The following EGFR variants were observed in gnomAD, a reference collection of about 807,000 sequenced individuals.
The protein encoded by EGFR is epidermal growth factor receptor.
In EGFR, 58 loss-of-function variants were observed where a neutral mutation model predicts 143.0. The observed-to-expected ratio is 0.41, with a 90% CI of 0.33 to 0.50. The LOEUF (loss-of-function observed/expected upper bound fraction) is 0.50, where lower values mean the gene tolerates loss of function less well. Ranked by LOEUF, EGFR falls within the 20% of genes least tolerant of loss-of-function variation. The pLI, the probability that EGFR is intolerant of heterozygous loss-of-function variation, is 0.39. For missense variants in EGFR, 1,307 were observed against 1,579.0 expected (o/e 0.83, Z 2.92); for synonymous variants, 613 against 594.4 (o/e 1.03, Z -0.45).
At chr7:55,182,360 C>T (rs1166259449) in intron 20 of EGFR, 1 of 152,374 alleles carries the variant, frequency 6.6e-6, no homozygotes, top group African/African-American at 2.4e-5. Context: ...AGCAGACACC[C>T]ACCCGGCCTG....
intron 1 of EGFR, among the ~76,000 whole-genome samples, chr7:55,106,007 T>C (rs10280515): frequency 0.052 from 7,982 of 152,304 alleles, 235 homozygotes; most frequent in Middle Eastern, 0.12. Flanking sequence ...GTGTGCTTAC[T>C]TGAAAACAAC....
intron 7 of EGFR, among the ~76,000 whole-genome samples, chr7:55,155,190 C>A (rs1468414016): frequency 6.6e-6 from 1 of 152,190 alleles, no homozygotes; most frequent in African/African-American, 2.4e-5. Flanking sequence ...GCCTTTAATC[C>A]CAGCACTTTG....
In EGFR at chr7:55,165,576, C is replaced by T. The variant is rs1056399562; in HGVS notation, c.1880+139C>T. The stretch of plus-strand genomic sequence containing the variant: ...ACTTAAGGTGTTTTGGTCCCCACAG[C>T]CATGCCAGTAGCAACTTGCTTGTGA... On this transcript the variant is annotated intron_variant, in intron 15 of 27. Transcript: ENST00000275493. 9.3e-6 allele frequency: 11 copies of T among 1,187,602 alleles called. No homozygotes were observed. The East Asian group carries it at 2.6e-4, about 28-fold the overall frequency. 73.6% of individuals were successfully genotyped at this position (1,187,602 alleles called of 1,614,324 possible).
At chr7:55,109,171 T>C (rs1174743210) in intron 1 of EGFR, among the ~76,000 whole-genome samples, 1 of 152,134 alleles carries the variant, frequency 6.6e-6, no homozygotes, top group Non-Finnish European at 1.5e-5. Flanking sequence ...AGAAAGGAAA[T>C]AGATTAATGT....
At chr7:55,148,300 T>C (rs1794871673) in intron 4 of EGFR, among the ~76,000 whole-genome samples, 1 of 151,982 alleles carries the variant, frequency 6.6e-6, no homozygotes, top group African/African-American at 2.4e-5. Context: ...CCTGGAACGG[T>C]TATGGGGCCA....
At chr7:55,078,584 C>T (rs75263497) in intron 1 of EGFR, among the ~76,000 whole-genome samples, 2,046 of 152,306 alleles carry the variant, frequency 0.013, 35 homozygotes, top group African/African-American at 0.046. Flanking sequence ...AAAATGTCCA[C>T]GTGCACTTGT....
chr7:55,066,261 T>A (rs112031348), intron 1 of EGFR, among the ~76,000 whole-genome samples: 2,452 of 152,282 alleles, frequency 0.016, 67 homozygotes, highest in African/African-American at 0.055. Context: ...AACTAAAAAA[T>A]TAATACCGTG....
chr7:55,174,251 C>A (rs367893096), intron 18 of EGFR, among the ~76,000 whole-genome samples: 17 of 152,342 alleles, frequency 1.1e-4, no homozygotes, highest in African/African-American at 4.1e-4. Context: ...GAGACCAATT[C>A]ACAGACCAAA....
In EGFR at chr7:55,209,362, A is replaced by G. The variant is rs1314145251; in HGVS notation, c.*3745A>G. 1 of 152,180 alleles carries G rather than the reference A, an allele frequency of 6.6e-6. No individual in the cohort carries two copies. Among genetic ancestry groups the G allele is most frequent in the African/African-American group, 2.4e-5 (1 of 41,424 alleles). 9.4% of individuals were successfully genotyped at this position (152,180 alleles called of 1,614,324 possible). A position where few individuals can be genotyped will look rare whatever the true frequency, so the allele number is the denominator to read the frequency against. On this transcript the variant is annotated 3_prime_UTR_variant, in exon 28 of 28. Coordinates refer to ENST00000275493, the MANE Select transcript of EGFR (RefSeq NM_005228.5). ...ATAAGCCTGAGACTTGGCTCATTTC[A>G]AAAGCGTTCAATTCATCCTCACCAG...
chr7:55,088,995 T>C (rs1259281843), intron 1 of EGFR, among the ~76,000 whole-genome samples: 1 of 152,204 alleles, frequency 6.6e-6, no homozygotes, highest in Non-Finnish European at 1.5e-5. Flanking sequence ...ATGCTTTCAC[T>C]CCACTGTCAA....
At chr7:55,042,700 C>T (rs186543735) in intron 1 of EGFR, among the ~76,000 whole-genome samples, 2 of 152,158 alleles carry the variant, frequency 1.3e-5, no homozygotes, top group Admixed American at 1.3e-4. Context: ...GAAGACATAA[C>T]ATATAGGGGA....
At position 55,165,273 on chromosome 7, in the gene EGFR, G is replaced by C. The variant is rs2128946030; in HGVS notation, c.1723-7G>C. 1.2e-6 allele frequency: 2 copies of C among 1,614,070 alleles called. No homozygotes were observed. The highest frequency in any genetic ancestry group is 1.1e-5 in the South Asian group (1 of 91,090). On this transcript the variant is annotated splice_region_variant and splice_polypyrimidine_tract_variant and intron_variant, in intron 14 of 27. Transcript: ENST00000275493. ...ATGCATGAACATTTTTCTCCACCTT[G>C]GTGCAGGGACCAGACAACTGTATCC...
chr7:55,174,035 G>T lies in EGFR; in HGVS notation c.2176G>T (p.Val726Leu), dbSNP rs483352805. 1.2e-6 allele frequency: 2 copies of T among 1,614,206 alleles called. No individual in the cohort carries two copies. Among genetic ancestry groups the T allele is most frequent in the Non-Finnish European group, 1.7e-6 (2 of 1,180,030 alleles). Residue 726 changes from valine to leucine, a missense_variant, in exon 18 of 28, where the codon GTG (valine) becomes TTG (leucine). Physicochemically the swap from Val to Leu is conservative, Grantham distance 32 (BLOSUM62 1). This residue lies in a region of EGFR where 348 missense variants were observed against 451.5 expected (regional missense o/e 0.77). Coordinates refer to ENST00000275493, the MANE Select transcript of EGFR (RefSeq NM_005228.5). ...KVLGSGAFGTVYKGLWIPEGE... is the reference protein window; with the variant it reads ...KVLGSGAFGTLYKGLWIPEGE... ...GCTGGGCTCCGGTGCGTTCGGCACGGTGTATAAGGTAAGGTCCCTGGCACA... is the reference window on the plus strand; with the variant it reads ...GCTGGGCTCCGGTGCGTTCGGCACGTTGTATAAGGTAAGGTCCCTGGCACA...
Position 55,125,512 on chromosome 7 carries a change from A to G in EGFR, c.89-16774A>G, listed in dbSNP as rs1426026402. ...GCTTTGGGGTGCCAGCTCCTCCCAT[A>G]AAGCAAACACATACCTAGGGATGAT... On this transcript the variant is annotated intron_variant, in intron 1 of 27. Transcript: ENST00000275493. Among the ~76,000 whole-genome samples, 3 of 152,344 alleles carry G rather than the reference A, an allele frequency of 2.0e-5. No homozygotes were observed. In the East Asian group the frequency reaches 5.8e-4, roughly 29 times the overall value.
chr7:55,161,364 C>T (rs1231730524), intron 12 of EGFR, 135 bp from the exon 13 acceptor site: 3 of 1,265,056 alleles, frequency 2.4e-6, no homozygotes, highest in African/African-American at 1.5e-5. Context: ...TGTCCTCCTC[C>T]TTCAGGGGTA....
rs759382819 is a variant in EGFR, at chr7:55,046,672, A to G, written c.88+27307A>G. On this transcript the variant is annotated intron_variant, in intron 1 of 27. Coordinates refer to ENST00000275493, the MANE Select transcript of EGFR (RefSeq NM_005228.5). Reference sequence around the variant, plus strand: ...ACTACGCTTCTCGTACACATTTCATATTAAAGATTTTGGAAAGTCCTGCAA... The same window carrying G: ...ACTACGCTTCTCGTACACATTTCATGTTAAAGATTTTGGAAAGTCCTGCAA... Among the ~76,000 whole-genome samples, 182 of 152,160 alleles carry G rather than the reference A, an allele frequency of 1.2e-3. 2 individuals carry two copies. Among genetic ancestry groups the G allele is most frequent in the Non-Finnish European group, 3.5e-4 (24 of 68,032 alleles).
chr7:55,169,877 C>T (rs1341712556), intron 15 of EGFR, among the ~76,000 whole-genome samples: 1 of 152,234 alleles, frequency 6.6e-6, no homozygotes, highest in Non-Finnish European at 1.5e-5. Flanking sequence ...CTGCATAAGA[C>T]TGCATCTTGT....
chr7:55,122,385 C>T (rs1479633571), intron 1 of EGFR, among the ~76,000 whole-genome samples: 1 of 152,228 alleles, frequency 6.6e-6, no homozygotes, highest in Admixed American at 6.5e-5. Flanking sequence ...ATGCCTGGGC[C>T]AGTGCAGCAT....
chr7:55,034,962 T>G (rs1455949860), intron 1 of EGFR, among the ~76,000 whole-genome samples: 1 of 152,204 alleles, frequency 6.6e-6, no homozygotes, highest in Non-Finnish European at 1.5e-5. Flanking sequence ...GGTCTAACCT[T>G]TGTCCTGTGT....
Sources: gnomAD v4.1 joint callset for allele counts (sites outside exome capture counted in the v4.1 genomes callset) on GRCh38, gnomAD v4.1.1 for gene constraint, gnomAD v4.1.1 regional missense constraint, MANE v1.5 for transcripts, NCBI Gene and HGNC (gene_info 2026-07-23, HGNC 2026-07-21) for gene names.